Variants in PTPRC observed in about 807,000 individuals in gnomAD.
PTPRC encodes protein tyrosine phosphatase receptor type C, also known as receptor-type tyrosine-protein phosphatase C.
Under a neutral mutation model 155.9 loss-of-function variants are expected in PTPRC, and 44 were observed. The observed-to-expected ratio is 0.28, with a 90% CI of 0.22 to 0.36. The LOEUF is 0.36. Among genes scored for constraint, PTPRC ranks in the 10% least tolerant of loss-of-function variants. The pLI, the probability that PTPRC is intolerant of heterozygous loss-of-function variation, is 1.00. For synonymous variants in PTPRC, 525 were observed against 533.1 expected, an observed-to-expected ratio of 0.98 and a Z score of 0.21; for missense variants, 1,401 against 1,564.6, an observed-to-expected ratio of 0.90 and a Z score of 1.76.
chr1:198,716,634 G>A, intron 12 of PTPRC, 48 bp from the exon 13 acceptor site: 1 of 1,535,306 alleles, frequency 6.5e-7, no homozygotes, highest in East Asian at 2.3e-5. Flanking sequence ...GTACGTGGTA[G>A]TACTGACTTT....
chr1:198,750,786 T>G (rs542200803), intron 29 of PTPRC, among the ~76,000 whole-genome samples, 160 bp downstream of exon 29: 1 of 152,104 alleles, frequency 6.6e-6, no homozygotes, highest in East Asian at 1.9e-4. Flanking sequence ...GGTGTTGGCC[T>G]CCATCAGCTG....
At chr1:198,754,236 A>G in intron 31 of PTPRC, 33 bp from the exon 32 acceptor site, 1 of 1,585,122 alleles carries the variant, frequency 6.3e-7, no homozygotes, top group Non-Finnish European at 8.7e-7. Context: ...GGTGAGAAGT[A>G]GGATTATTTT....
intron 2 of PTPRC, among the ~76,000 whole-genome samples, chr1:198,691,699 TG>T (rs1231648326): frequency 1.3e-5 from 2 of 152,088 alleles, no homozygotes; most frequent in African/African-American, 4.8e-5. Context: ...CTTATTCTTC[TG>T]GGACCAAGCT....
chr1:198,695,421 C>T (rs1199935868), intron 3 of PTPRC, among the ~76,000 whole-genome samples: 1 of 123,528 alleles, frequency 8.1e-6, no homozygotes, highest in Non-Finnish European at 1.7e-5. Context: ...ATATGTTAAG[C>T]AAAAAAAAAA....
intron 2 of PTPRC, among the ~76,000 whole-genome samples, chr1:198,658,748 A>T (rs1663750253): frequency 6.6e-6 from 1 of 152,046 alleles, no homozygotes; most frequent in Admixed American, 6.6e-5. Context: ...TGTTCTTATT[A>T]TGTTCCTTTC....
chr1:198,739,468 A>G (rs1160827384), intron 23 of PTPRC, among the ~76,000 whole-genome samples: 2 of 151,834 alleles, frequency 1.3e-5, no homozygotes, highest in Non-Finnish European at 2.9e-5. Context: ...ACAAAAACTA[A>G]TAAAAGAGAC....
chr1:198,712,530 T>C (rs1024962779), intron 11 of PTPRC, among the ~76,000 whole-genome samples: 1 of 152,216 alleles, frequency 6.6e-6, no homozygotes, highest in Non-Finnish European at 1.5e-5. Flanking sequence ...TATCAGTTTT[T>C]CTCAGTTTCA....
intron 5 of PTPRC, among the ~76,000 whole-genome samples, chr1:198,701,634 C>T (rs1032505468): frequency 6.6e-6 from 1 of 152,066 alleles, no homozygotes; most frequent in African/African-American, 2.4e-5. Flanking sequence ...AAAGTTCTAA[C>T]CTAGTACAAT....
chr1:198,742,053 A>C (rs1558034454), intron 24 of PTPRC, 27 bp downstream of exon 24: 3 of 1,572,710 alleles, frequency 1.9e-6, no homozygotes, highest in South Asian at 2.2e-5. Flanking sequence ...AAAAAAAAAA[A>C]CAACAACAAA....
chr1:198,752,540 A>G, intron 30 of PTPRC, 54 bp from the exon 31 acceptor site: 14 of 1,570,200 alleles, frequency 8.9e-6, no homozygotes, highest in Middle Eastern at 1.7e-4. Flanking sequence ...CTATCAAATT[A>G]GAAAATAAGC....
chr1:198,755,325 TACTC>T, intron 32 of PTPRC, among the ~76,000 whole-genome samples: 1 of 152,186 alleles, frequency 6.6e-6, no homozygotes, highest in South Asian at 2.1e-4. Flanking sequence ...TAAACTTAAT[TACTC>T]ACTAAAATAT....
At chr1:198,689,261 T>C (rs1168744685) in intron 2 of PTPRC, among the ~76,000 whole-genome samples, 1 of 152,172 alleles carries the variant, frequency 6.6e-6, no homozygotes, top group Non-Finnish European at 1.5e-5. Context: ...CGTAGTCTGA[T>C]GAATAGTGTA....
chr1:198,735,130 A>AAGTGTGC lies in PTPRC; in HGVS notation c.2284_2290dup (p.Glu764ValfsTer41). The AAGTGTGC allele has an allele frequency of 6.3e-7, 1 of 1,597,662 alleles. No homozygotes were observed. Among genetic ancestry groups the AAGTGTGC allele is most frequent in the Non-Finnish European group, 8.5e-7 (1 of 1,170,988 alleles). ...TTAATAATTTTTTAAAATGTAGAAC[A>AAGTGTGC]AGTGTGCAGAATACTGGCCGTCAAT... On this transcript the variant is annotated frameshift_variant, in exon 23 of 33. Transcript: ENST00000442510. LOFTEE classifies it high-confidence loss of function.
chr1:198,702,393 C>T lies in PTPRC; in HGVS notation c.446C>T (p.Pro149Leu), dbSNP rs560558320. The T allele has an allele frequency of 4.8e-5, 77 of 1,614,158 alleles. 2 individuals carry two copies. The South Asian group carries it at 5.2e-4, about 11-fold the overall frequency. Residue 149 changes from proline to leucine, a missense_variant, in exon 6 of 33, where the codon CCA becomes CTA. Physicochemically the swap from Pro to Leu is moderately conservative, Grantham distance 98 (BLOSUM62 -3). Around this residue, in one of 3 missense-constraint regions of PTPRC, gnomAD observed 867 missense variants for 970.4 expected, o/e 0.89. Coordinates refer to ENST00000442510, the MANE Select transcript of PTPRC (RefSeq NM_002838.5). ...ATGGCCCTTCTGATTGCAGATGTCCCAGGAGAGAGGAGTACAGCCAGCACC... is the reference window on the plus strand; with the variant it reads ...ATGGCCCTTCTGATTGCAGATGTCCTAGGAGAGAGGAGTACAGCCAGCACC... Reference protein sequence around the residue: ...TPGSNAISDVPGERSTASTFP... With the variant: ...TPGSNAISDVLGERSTASTFP...
chr1:198,641,715 T>C (rs1662593279), intron 2 of PTPRC, among the ~76,000 whole-genome samples: 1 of 151,974 alleles, frequency 6.6e-6, no homozygotes, highest in Admixed American at 6.6e-5. Flanking sequence ...GTTCTCTGGT[T>C]CTAATAAAGT....
intron 15 of PTPRC, among the ~76,000 whole-genome samples, chr1:198,727,300 C>T (rs1654184213): frequency 6.6e-6 from 1 of 152,114 alleles, no homozygotes; most frequent in South Asian, 2.1e-4. Flanking sequence ...TATCTTCTCA[C>T]CTACATGACC....
At chr1:198,659,555 T>C (rs1431421252) in intron 2 of PTPRC, among the ~76,000 whole-genome samples, 1 of 151,236 alleles carries the variant, frequency 6.6e-6, no homozygotes, top group African/African-American at 2.5e-5. Context: ...ATTTTTTTTT[T>C]TGCTTTTTTT....
At chr1:198,745,076 A>G (rs1403746229) in intron 26 of PTPRC, among the ~76,000 whole-genome samples, 1 of 151,858 alleles carries the variant, frequency 6.6e-6, no homozygotes, top group African/African-American at 2.4e-5. Flanking sequence ...AACCTTATTC[A>G]ATATACCTGC....
chr1:198,699,715 C>T lies in PTPRC; in HGVS notation c.439+11C>T, dbSNP rs1666376125. The T allele has an allele frequency of 6.2e-7, 1 of 1,614,146 alleles. No homozygotes were observed. Among genetic ancestry groups the T allele is most frequent in the African/African-American group, 1.3e-5 (1 of 75,038 alleles). Reference sequence around the variant, plus strand: ...GCAATGCTATCTCAGGTTTGCGGGTCCTTTAGACTTGTGCAAATATGAAAA... The same window carrying T: ...GCAATGCTATCTCAGGTTTGCGGGTTCTTTAGACTTGTGCAAATATGAAAA... On this transcript the variant is annotated intron_variant, in intron 5 of 32. Transcript: ENST00000442510.
Sources: allele counts gnomAD v4.1 joint callset (sites outside exome capture counted in the v4.1 genomes callset), GRCh38; gene constraint gnomAD v4.1.1; regional missense constraint gnomAD v4.1.1; transcripts MANE v1.5; gene names NCBI Gene and HGNC (gene_info 2026-07-23, HGNC 2026-07-21).